Variants in NBPF14 observed in about 807,000 individuals in gnomAD.
NBPF14 encodes the protein NBPF member 14, also known as NBPF family member NBPF14.
In NBPF14, 104 loss-of-function variants were observed where a neutral mutation model predicts 91.2. That is an observed-to-expected ratio of 1.14 (90% CI 0.97 to 1.34). The LOEUF is 1.34. Among genes scored for constraint, NBPF14 ranks in the 40% most tolerant of loss-of-function variants. NBPF14 has a pLI of 0.00. For synonymous variants in NBPF14, 294 were observed against 303.8 expected (o/e 0.97, Z 0.34); for missense variants, 908 against 783.0 (o/e 1.16, Z -1.91).
At position 148,534,667 on chromosome 1, in the gene NBPF14, C is replaced by G; in HGVS notation, c.8614+17G>C. The G allele has an allele frequency of 3.7e-6, 3 of 806,642 alleles. No homozygotes were observed. Among genetic ancestry groups the G allele is most frequent in the East Asian group, 2.4e-5 (1 of 41,250 alleles). The allele number at this position is 806,642 out of a possible 1,614,324, so 50.0% of individuals were successfully genotyped here. ...AGACCAGGTGGAGGCTTATCACCTT[C>G]ATAGTAAGGTACTCACTGTCCACGT... is the stretch of plus-strand genomic sequence containing the variant. On this transcript the variant is annotated intron_variant, in intron 69 of 70. Transcript: ENST00000619423.
At chr1:148,541,696 C>A in intron 60 of NBPF14, 35 bp downstream of exon 60, 2 of 27,854 alleles carry the variant, frequency 7.2e-5, no homozygotes, top group Non-Finnish European at 5.2e-5. Context: ...CAGGTGTTAA[C>A]ACAGAATTAA....
chr1:148,539,536 C>T (rs1655532986), exon 63 of NBPF14: 3 of 270,570 alleles, frequency 1.1e-5, no homozygotes, highest in African/African-American at 1.6e-4. Context: ...TCCAGTGAGT[C>T]CTGCAAGACT....
At chr1:148,557,632 A>C in intron 39 of NBPF14, 90 bp from the exon 40 acceptor site, 1 of 577,836 alleles carries the variant, frequency 1.7e-6, no homozygotes, top group Non-Finnish European at 3.0e-6. Flanking sequence ...CAGGGATCTC[A>C]GGCTCCTCAG....
At position 148,587,175 on chromosome 1, in the gene NBPF14, G is replaced by A. The variant is rs1206465530; in HGVS notation, c.1091+126C>T. 55 of 770,716 alleles carry A rather than the reference G, an allele frequency of 7.1e-5. 3 individuals are homozygous for A. Among genetic ancestry groups the A allele is most frequent in the South Asian group, 1.9e-4 (13 of 67,384 alleles). The allele number at this position is 770,716 out of a possible 1,614,324, so 47.7% of individuals were successfully genotyped here. ...TCTCTGATAAATATTTGTGTGTAGC[G>A]AGCCTGCCATGGCAATTCCTGCCCT... On this transcript the variant is annotated intron_variant, in intron 8 of 70. Transcript: ENST00000619423.
intron 59 of NBPF14, among the ~76,000 whole-genome samples, chr1:148,542,253 A>C (rs1245745251): frequency 1.3e-5 from 1 of 74,832 alleles, no homozygotes; most frequent in Non-Finnish European, 2.1e-5. Context: ...GAAATCTACA[A>C]ACCCTTGAGT....
chr1:148,578,960 T>G, intron 13 of NBPF14, 114 bp downstream of exon 13: 1 of 671,770 alleles, frequency 1.5e-6, no homozygotes, highest in Non-Finnish European at 2.7e-6. Flanking sequence ...ATATATAGGT[T>G]CAGCCCACGG....
At chr1:148,535,016 G>A (rs1195312313) in intron 68 of NBPF14, among the ~76,000 whole-genome samples, 160 bp from the exon 69 acceptor site, 3,014 of 146,938 alleles carry the variant, frequency 0.021, 32 homozygotes, top group South Asian at 0.044. Flanking sequence ...GATAGACCAG[G>A]GCCAGGTAGA....
Position 148,534,866 on chromosome 1 carries a change from T to C in NBPF14, c.8442-10A>G. The C allele has an allele frequency of 2.3e-6, 2 of 861,668 alleles. No homozygotes were observed. The highest frequency in any genetic ancestry group is 3.9e-6 in the Non-Finnish European group (2 of 508,594). The allele number at this position is 861,668 out of a possible 1,614,324, so 53.4% of individuals were successfully genotyped here. A position where few individuals can be genotyped will look rare whatever the true frequency, so the allele number is the denominator to read the frequency against. ...CAGCTCCCTGCTGAGCCTGGAAAAGTAGGAAAAAGTAAAGAATAAGCCAGG... is the reference window on the plus strand; with the variant it reads ...CAGCTCCCTGCTGAGCCTGGAAAAGCAGGAAAAAGTAAAGAATAAGCCAGG... On this transcript the variant is annotated splice_polypyrimidine_tract_variant and intron_variant, in intron 68 of 70. Transcript: ENST00000619423.
Position 148,572,493 on chromosome 1 carries a change from G to A in NBPF14, c.2708C>T (p.Ala903Val), listed in dbSNP as rs1352144907. 5.2e-6 allele frequency: 3 copies of A among 578,370 alleles called. 1 individual carries two copies. The highest frequency in any genetic ancestry group is 9.0e-6 in the Non-Finnish European group (3 of 332,566). The allele number at this position is 578,370 out of a possible 1,614,324, so 35.8% of individuals were successfully genotyped here. A position where few individuals can be genotyped will look rare whatever the true frequency, so the allele number is the denominator to read the frequency against. ...GTACTGTTCCTCCAATGAGTAAACA[G>A]CACTGCTGTAGGGCTGGCCTAAGTC... Residue 903 changes from alanine (A) to valine (V), a missense_variant, in exon 21 of 71, where the codon GCT becomes GTT. This residue lies in a region of NBPF14 where 447 missense variants were observed against 189.1 expected (regional missense o/e 2.36). Transcript: ENST00000619423.
chr1:148,533,308 AG>A lies in NBPF14; in HGVS notation c.8724-61del, dbSNP rs1315068481. 7 of 504,538 alleles carry A rather than the reference AG, an allele frequency of 1.4e-5. 1 individual carries two copies. Among genetic ancestry groups the A allele is most frequent in the Admixed American group, 8.2e-5 (2 of 24,500 alleles). 31.3% of individuals were successfully genotyped at this position (504,538 alleles called of 1,614,324 possible). ...GGAAAATCAGACACCACAGAGCCCC[AG>A]CTAGATTTCAGAAGCAACATAAGGA... On this transcript the variant is annotated intron_variant, in intron 70 of 70. Coordinates refer to ENST00000619423, the Ensembl canonical transcript of NBPF14.
chr1:148,578,144 A>G, intron 13 of NBPF14, 110 bp from the exon 14 acceptor site: 1 of 743,638 alleles, frequency 1.3e-6, no homozygotes, highest in Non-Finnish European at 2.4e-6. Context: ...GTGTGAGAAC[A>G]GGAGACTTTG....
At chr1:148,578,969 G>A (rs1254037348) in intron 13 of NBPF14, 105 bp downstream of exon 13, 78 of 660,786 alleles carry the variant, frequency 1.2e-4, no homozygotes, top group African/African-American at 6.4e-4. Flanking sequence ...TTCAGCCCAC[G>A]GTGATGGCAA....
intron 28 of NBPF14, among the ~76,000 whole-genome samples, chr1:148,566,602 G>T (rs1658454714): frequency 7.1e-6 from 1 of 141,366 alleles, no homozygotes; most frequent in Non-Finnish European, 1.6e-5. Flanking sequence ...CACTGATGAG[G>T]GAGTAACAGG....
At chr1:148,578,940 A>C in intron 13 of NBPF14, 134 bp downstream of exon 13, 4 of 685,906 alleles carry the variant, frequency 5.8e-6, no homozygotes, top group Admixed American at 2.1e-5. Context: ...AGTGACTGAA[A>C]TCTACATTGA....
chr1:148,534,302 CCT>C (rs1235610159), intron 69 of NBPF14, among the ~76,000 whole-genome samples: 1 of 151,686 alleles, frequency 6.6e-6, no homozygotes, highest in Non-Finnish European at 1.5e-5. Context: ...AATATTTAGC[CCT>C]GTCTCATCAA....
intron 14 of NBPF14, 113 bp from the exon 15 acceptor site, chr1:148,577,468 C>T (rs1378943515): frequency 3.2e-5 from 22 of 681,840 alleles, no homozygotes; most frequent in Non-Finnish European, 4.9e-5. Context: ...AAGGACAGAT[C>T]CATTAATGAG....
At position 148,566,377 on chromosome 1, in the gene NBPF14, C is replaced by G. The variant is rs1183345300; in HGVS notation, c.3543-62G>C. 9 of 743,906 alleles carry G rather than the reference C, an allele frequency of 1.2e-5. 1 individual carries two copies. Among genetic ancestry groups the G allele is most frequent in the Non-Finnish European group, 1.7e-5 (7 of 406,810 alleles). 46.1% of individuals were successfully genotyped at this position (743,906 alleles called of 1,614,324 possible). A position where few individuals can be genotyped will look rare whatever the true frequency, so the allele number is the denominator to read the frequency against. Reference sequence around the variant, plus strand: ...GAAATCAGACACAACAGAGCCTCAACTAGGTTTCATGGGTAGCATAGGGAA... The same window carrying G: ...GAAATCAGACACAACAGAGCCTCAAGTAGGTTTCATGGGTAGCATAGGGAA... On this transcript the variant is annotated intron_variant, in intron 28 of 70. Coordinates refer to ENST00000619423, the Ensembl canonical transcript of NBPF14.
In NBPF14 at chr1:148,538,262, C is replaced by A. The variant is rs1474181231; in HGVS notation, c.7935-256G>T. On this transcript the variant is annotated intron_variant, in intron 64 of 70. Coordinates refer to ENST00000619423, the Ensembl canonical transcript of NBPF14. ...CACACACACACAGAGAGAGAGAGAACGAGCTCAGTGAATTGTCCAGGTGAC... is the reference window on the plus strand; with the variant it reads ...CACACACACACAGAGAGAGAGAGAAAGAGCTCAGTGAATTGTCCAGGTGAC... Among the ~76,000 whole-genome samples, 116 of 58,708 alleles carry A rather than the reference C, an allele frequency of 2.0e-3. 2 individuals carry two copies. The highest frequency in any genetic ancestry group is 2.9e-3 in the Non-Finnish European group (89 of 30,882). 38.5% of individuals were successfully genotyped at this position (58,708 alleles called of 152,430 possible). A position where few individuals can be genotyped will look rare whatever the true frequency, so the allele number is the denominator to read the frequency against.
At chr1:148,594,973 G>C (rs1196278527) in intron 2 of NBPF14, among the ~76,000 whole-genome samples, 1 of 126,242 alleles carries the variant, frequency 7.9e-6, no homozygotes, top group Non-Finnish European at 1.7e-5. Context: ...TGAGATTATA[G>C]GAGTGAGCCA....
Sources: gnomAD v4.1 joint callset for allele counts (sites outside exome capture counted in the v4.1 genomes callset) on GRCh38, gnomAD v4.1.1 for gene constraint, gnomAD v4.1.1 regional missense constraint, MANE v1.5 for transcripts, NCBI Gene and HGNC (gene_info 2026-07-23, HGNC 2026-07-21) for gene names.